The following CSMD1 variants were observed in gnomAD, a reference collection of about 807,000 sequenced individuals.
The protein encoded by CSMD1 is CUB and Sushi multiple domains 1.
A neutral mutation model predicts 417.5 loss-of-function variants in CSMD1; 213 were observed. That is an observed-to-expected ratio of 0.51 (90% CI 0.46 to 0.57). The LOEUF is 0.57. Ranked by LOEUF, CSMD1 falls within the 20% of genes least tolerant of loss-of-function variation. The pLI, the probability that CSMD1 is intolerant of heterozygous loss-of-function variation, is 0.00. For synonymous variants in CSMD1, 2,862 were observed against 1,736.8 expected, an observed-to-expected ratio of 1.65 and a Z score of -16.11; for missense variants, 6,923 against 4,529.7, an observed-to-expected ratio of 1.53 and a Z score of -15.17.
chr8:3,693,277 A>G (rs566705170), intron 7 of CSMD1, among the ~76,000 whole-genome samples: 3 of 152,366 alleles, frequency 2.0e-5, no homozygotes, highest in African/African-American at 7.2e-5. Flanking sequence ...AAGGTCACTT[A>G]TCAATGAGAT....
intron 1 of CSMD1, among the ~76,000 whole-genome samples, chr8:4,667,894 T>G (rs185322403): frequency 1.3e-5 from 2 of 152,228 alleles, no homozygotes; most frequent in East Asian, 1.9e-4. Flanking sequence ...TGGAATTGAA[T>G]AGCAGTGGTT....
At chr8:4,921,889 T>A (rs543533062) in intron 1 of CSMD1, among the ~76,000 whole-genome samples, 2 of 152,322 alleles carry the variant, frequency 1.3e-5, no homozygotes, top group Admixed American at 6.5e-5. Flanking sequence ...TCACTCAGAA[T>A]TGAACCTTCC....
intron 21 of CSMD1, 55 bp downstream of exon 21, chr8:3,359,097 C>T: frequency 1.9e-6 from 3 of 1,576,078 alleles, no homozygotes; most frequent in Non-Finnish European, 2.6e-6. Context: ...GGCTTCTTGC[C>T]TGGGCTAGAC....
At chr8:3,296,517 C>A (rs1024770091) in intron 25 of CSMD1, among the ~76,000 whole-genome samples, 1 of 152,098 alleles carries the variant, frequency 6.6e-6, no homozygotes, top group Non-Finnish European at 1.5e-5. Context: ...CAGGAGTCCT[C>A]ACCAACAATT....
chr8:3,062,027 T>A (rs1812620738), intron 49 of CSMD1, among the ~76,000 whole-genome samples: 1 of 152,204 alleles, frequency 6.6e-6, no homozygotes, highest in Non-Finnish European at 1.5e-5. Flanking sequence ...GTATATTTAC[T>A]GTTATTTTCA....
chr8:3,221,783 G>T (rs891705830), intron 28 of CSMD1, among the ~76,000 whole-genome samples: 1 of 151,960 alleles, frequency 6.6e-6, no homozygotes, highest in African/African-American at 2.4e-5. Flanking sequence ...CAATCCACAG[G>T]GACGTGTAAT....
intron 23 of CSMD1, among the ~76,000 whole-genome samples, chr8:3,327,323 T>TG (rs1806598482): frequency 6.6e-6 from 1 of 152,030 alleles, no homozygotes. Flanking sequence ...TTTGTAGAGA[T>TG]GGGGTTTCAC....
At chr8:4,835,863 G>C (rs1044986090) in intron 1 of CSMD1, among the ~76,000 whole-genome samples, 5 of 151,814 alleles carry the variant, frequency 3.3e-5, no homozygotes, top group Non-Finnish European at 7.4e-5. Context: ...TGGTCACTAA[G>C]TGTTGGTTGA....
intron 5 of CSMD1, among the ~76,000 whole-genome samples, chr8:3,773,868 T>C (rs1461262571): frequency 1.3e-5 from 2 of 152,166 alleles, no homozygotes; most frequent in African/African-American, 4.8e-5. Context: ...TGATCATTAC[T>C]ATGTTGCTGA....
At chr8:4,758,711 G>C (rs914556287) in intron 1 of CSMD1, among the ~76,000 whole-genome samples, 3 of 151,822 alleles carry the variant, frequency 2.0e-5, no homozygotes, top group Admixed American at 2.0e-4. Context: ...GTAAGATAAA[G>C]AGAGTAAAAA....
At chr8:3,538,087 G>A (rs1178367907) in intron 10 of CSMD1, among the ~76,000 whole-genome samples, 1 of 152,210 alleles carries the variant, frequency 6.6e-6, no homozygotes, top group South Asian at 2.1e-4. Context: ...TATGCACAGA[G>A]TTTTTAAAAG....
intron 18 of CSMD1, among the ~76,000 whole-genome samples, chr8:3,375,798 C>T (rs965812029): frequency 6.6e-6 from 1 of 152,118 alleles, no homozygotes; most frequent in Non-Finnish European, 1.5e-5. Flanking sequence ...GGCCATAGAC[C>T]AGCACTCGAG....
intron 3 of CSMD1, among the ~76,000 whole-genome samples, chr8:4,404,567 A>C (rs1804879728): frequency 6.6e-6 from 1 of 152,150 alleles, no homozygotes. Context: ...AACATTTTTA[A>C]AACTCACTTA....
chr8:4,958,220 T>G (rs1809249760), intron 1 of CSMD1, among the ~76,000 whole-genome samples: 1 of 152,200 alleles, frequency 6.6e-6, no homozygotes, highest in African/African-American at 2.4e-5. Context: ...TTTATAGTTT[T>G]CATGAAGAGT....
intron 1 of CSMD1, among the ~76,000 whole-genome samples, chr8:4,707,153 T>C (rs1381983350): frequency 1.3e-5 from 2 of 152,106 alleles, no homozygotes; most frequent in Non-Finnish European, 2.9e-5. Context: ...TGGGTGAAAA[T>C]AATAAAATAA....
chr8:2,953,407 A>G (rs1231790673), intron 65 of CSMD1, among the ~76,000 whole-genome samples: 1 of 151,702 alleles, frequency 6.6e-6, no homozygotes, highest in Admixed American at 6.6e-5. Context: ...GACAATAGCA[A>G]TACAAATACT....
At chr8:3,863,432 G>T (rs1005833548) in intron 5 of CSMD1, among the ~76,000 whole-genome samples, 1 of 148,974 alleles carries the variant, frequency 6.7e-6, no homozygotes, top group Non-Finnish European at 1.5e-5. Flanking sequence ...TACCATTCAT[G>T]TGGGTAGAAT....
At chr8:4,169,355 C>T (rs576941842) in intron 3 of CSMD1, among the ~76,000 whole-genome samples, 1 of 152,230 alleles carries the variant, frequency 6.6e-6, no homozygotes, top group Admixed American at 6.5e-5. Context: ...AGATAAATGG[C>T]GACTGCGTTT....
intron 2 of CSMD1, among the ~76,000 whole-genome samples, chr8:4,494,509 A>T (rs980156507): frequency 1.3e-5 from 2 of 152,236 alleles, no homozygotes; most frequent in Non-Finnish European, 2.9e-5. Context: ...TTTATTTTAC[A>T]ACAATAAATT....
Sources: allele counts gnomAD v4.1 joint callset (sites outside exome capture counted in the v4.1 genomes callset), GRCh38; gene constraint gnomAD v4.1.1; transcripts MANE v1.5; gene names NCBI Gene and HGNC (gene_info 2026-07-23, HGNC 2026-07-21).